RAB11FIP4: variants seen among roughly 807,000 people sequenced by gnomAD.
The protein encoded by RAB11FIP4 is rab11 family-interacting protein 4.
In RAB11FIP4, 23 loss-of-function variants were observed where a neutral mutation model predicts 74.3. The ratio of observed to expected loss-of-function variants is 0.31; its 90% CI spans 0.22 to 0.44. The LOEUF (loss-of-function observed/expected upper bound fraction) is 0.44, where lower values mean the gene tolerates loss of function less well. RAB11FIP4 is among the 20% of genes least tolerant of loss of function. The pLI, the probability that RAB11FIP4 is intolerant of heterozygous loss-of-function variation, is 1.00. For missense variants in RAB11FIP4, 630 were observed against 863.9 expected, an observed-to-expected ratio of 0.73 and a Z score of 3.39; for synonymous variants, 360 against 359.9, an observed-to-expected ratio of 1.00 and a Z score of 0.00.
rs367907100 is a variant in RAB11FIP4, at chr17:31,523,599, C to T, written c.1017C>T (p.Asp339=). The T allele has an allele frequency of 1.7e-5, 28 of 1,613,880 alleles. No individual in the cohort carries two copies. The highest frequency in any genetic ancestry group is 5.0e-5 in the Admixed American group (3 of 60,032). The change falls in exon 8 of 15, where the codon GAC becomes GAT. Residue 339 remains aspartate, a synonymous_variant. Transcript: ENST00000621161. ...FRDSIDSCDN[D]ITEKVSFLEK... is the part of the protein sequence containing the mutation. ...ACAGCATTGACTCTTGCGACAATGA[C>T]ATCACAGAGAAGGTGGGCCTTGGGT...
At chr17:31,473,077 G>A (rs950700445) in intron 3 of RAB11FIP4, among the ~76,000 whole-genome samples, 3 of 152,052 alleles carry the variant, frequency 2.0e-5, no homozygotes, top group Non-Finnish European at 2.9e-5. Flanking sequence ...AGGCACGTGA[G>A]GTGGGGGAGT....
intron 3 of RAB11FIP4, among the ~76,000 whole-genome samples, chr17:31,450,295 C>G (rs1171101484): frequency 6.6e-6 from 1 of 150,736 alleles, no homozygotes; most frequent in Non-Finnish European, 1.5e-5. Context: ...GCTTTTCTCC[C>G]CGCACACCAC....
At chr17:31,528,136 G>C (rs941162709) in intron 11 of RAB11FIP4, among the ~76,000 whole-genome samples, 1 of 152,204 alleles carries the variant, frequency 6.6e-6, no homozygotes, top group Non-Finnish European at 1.5e-5. Flanking sequence ...TTAGAAAGAG[G>C]TTAGCTTCTA....
At chr17:31,488,114 G>A (rs2071932783) in intron 3 of RAB11FIP4, 4 of 1,025,652 alleles carry the variant, frequency 3.9e-6, no homozygotes, top group Non-Finnish European at 4.7e-6. Context: ...TTCCACTGGT[G>A]CCCAGAAGTG....
intron 3 of RAB11FIP4, among the ~76,000 whole-genome samples, chr17:31,494,573 A>G (rs1005664340): frequency 1.3e-5 from 2 of 152,166 alleles, no homozygotes; most frequent in Non-Finnish European, 2.9e-5. Flanking sequence ...GGCCTTTGCA[A>G]GAGAAGCAAA....
intron 3 of RAB11FIP4, among the ~76,000 whole-genome samples, chr17:31,455,279 T>A (rs1271541394): frequency 6.6e-6 from 1 of 152,016 alleles, no homozygotes; most frequent in Admixed American, 6.6e-5. Flanking sequence ...TCTGGGAAGG[T>A]AGCTAGGAAA....
chr17:31,473,516 G>C (rs1244409565), intron 3 of RAB11FIP4, among the ~76,000 whole-genome samples: 1 of 152,214 alleles, frequency 6.6e-6, no homozygotes, highest in Non-Finnish European at 1.5e-5. Context: ...GCTTCAGCCT[G>C]GGCGACAGAG....
At position 31,407,040 on chromosome 17, in the gene RAB11FIP4, A is replaced by ATTTT. The variant is rs59919036; in HGVS notation, c.159+15055_159+15058dup. 4.2e-3 allele frequency among the ~76,000 whole-genome samples: 214 copies of ATTTT among 51,208 alleles called. 27 individuals are homozygous for ATTTT. Among genetic ancestry groups the ATTTT allele is most frequent in the African/African-American group, 0.011 (138 of 12,926 alleles). The allele number at this position is 51,208 out of a possible 152,430, so 33.6% of individuals were successfully genotyped here. On this transcript the variant is annotated intron_variant, in intron 1 of 14. Transcript: ENST00000621161. The stretch of plus-strand genomic sequence containing the variant: ...CACATTTGTTTTTTTGTTTCACTTG[A>ATTTT]TTTTTTTTTTTTTTTTTTTTTTTTT...
At position 31,528,496 on chromosome 17, in the gene RAB11FIP4, C is replaced by T. The variant is rs1273644271; in HGVS notation, c.1447C>T (p.Arg483Ter). The change falls in exon 12 of 15, where the codon CGA becomes TGA. Residue 483 changes from arginine to a stop codon, truncating the protein, a stop_gained. Transcript: ENST00000621161. LOFTEE classifies it high-confidence loss of function. Reference sequence around the variant, plus strand: ...GTACAAGCGCATGATGGACAAGCTGCGACAGAACCGCCTTGAGTTCCAGAA... The same window carrying T: ...GTACAAGCGCATGATGGACAAGCTGTGACAGAACCGCCTTGAGTTCCAGAA... Reference protein sequence around the residue: ...DLYKRMMDKLRQNRLEFQKER... With the variant: ...DLYKRMMDKL 2.5e-6 allele frequency: 4 copies of T among 1,613,730 alleles called. No homozygotes were observed. Among genetic ancestry groups the T allele is most frequent in the Non-Finnish European group, 1.7e-6 (2 of 1,180,044 alleles).
intron 3 of RAB11FIP4, among the ~76,000 whole-genome samples, chr17:31,468,845 C>T (rs898681691): frequency 6.6e-6 from 1 of 151,284 alleles, no homozygotes; most frequent in Non-Finnish European, 1.5e-5. Flanking sequence ...AAAAAGGAAT[C>T]TCAACATCTT....
chr17:31,399,570 G>A (rs1315413081), intron 1 of RAB11FIP4, among the ~76,000 whole-genome samples: 4 of 151,784 alleles, frequency 2.6e-5, no homozygotes, highest in East Asian at 1.9e-4. Flanking sequence ...AAAATTAGCC[G>A]GGCGTGGTGG....
chr17:31,510,328 C>A (rs577130495), intron 3 of RAB11FIP4, among the ~76,000 whole-genome samples: 3 of 152,354 alleles, frequency 2.0e-5, no homozygotes. Flanking sequence ...CGCTGGACTC[C>A]CCTACACTAG....
At chr17:31,479,732 G>C (rs992389632) in intron 3 of RAB11FIP4, among the ~76,000 whole-genome samples, 9 of 152,196 alleles carry the variant, frequency 5.9e-5, no homozygotes, top group African/African-American at 1.9e-4. Context: ...CTGGTGGACA[G>C]AGGAGGCCAA....
rs562855460 is a variant in RAB11FIP4, at chr17:31,490,110, C to T, written c.337-27541C>T. ...TGGGGTTCCAGGGGCAGCCTGCACTCGGAAGGCTCTGGGCTGCAGCTTGAG... is the reference window on the plus strand; with the variant it reads ...TGGGGTTCCAGGGGCAGCCTGCACTTGGAAGGCTCTGGGCTGCAGCTTGAG... On this transcript the variant is annotated intron_variant, in intron 3 of 14. Coordinates refer to ENST00000621161, the MANE Select transcript of RAB11FIP4 (RefSeq NM_032932.6). 7.9e-5 allele frequency among the ~76,000 whole-genome samples: 12 copies of T among 152,212 alleles called. No homozygotes were observed. The South Asian group carries it at 2.5e-3, about 32-fold the overall frequency.
chr17:31,432,258 C>A (rs2071317554), intron 2 of RAB11FIP4, among the ~76,000 whole-genome samples: 1 of 151,944 alleles, frequency 6.6e-6, no homozygotes, highest in South Asian at 2.1e-4. Flanking sequence ...CTTTTAAGAC[C>A]AGGGCAGTCC....
chr17:31,461,995 C>T (rs1336380500), intron 3 of RAB11FIP4, among the ~76,000 whole-genome samples: 2 of 152,126 alleles, frequency 1.3e-5, no homozygotes. Context: ...GGTGCGGTGG[C>T]TCATGCCTGT....
chr17:31,516,021 T>C (rs1167779844), intron 3 of RAB11FIP4, among the ~76,000 whole-genome samples: 1 of 152,194 alleles, frequency 6.6e-6, no homozygotes, highest in East Asian at 1.9e-4. Context: ...GGCAGTTGCC[T>C]CCTGGGCTGG....
rs1424422055 is a variant in RAB11FIP4 at position 31,512,001 on chromosome 17, C to G, written c.337-5650C>G. ...AGGTAGGGGTGCAGGGGATGCAGAC[C>G]TGCCCTGCCAGAGTGGCTGGCTGGA... is the stretch of plus-strand genomic sequence containing the variant. On this transcript the variant is annotated intron_variant, in intron 3 of 14. Coordinates refer to ENST00000621161, the MANE Select transcript of RAB11FIP4 (RefSeq NM_032932.6). This position sits in a 1 kb window ranked among gnomAD's most constrained non-coding sequence, Gnocchi z 4.1. Among the ~76,000 whole-genome samples, 1 of 152,186 alleles carries G rather than the reference C, an allele frequency of 6.6e-6. No individual in the cohort carries two copies. The highest frequency in any genetic ancestry group is 1.5e-5 in the Non-Finnish European group (1 of 68,032).
intron 3 of RAB11FIP4, among the ~76,000 whole-genome samples, chr17:31,505,439 T>TATA (rs10628693): frequency 0.62 from 54,946 of 89,280 alleles, 17,493 homozygotes; most frequent in East Asian, 0.67. Context: ...ATAATTATTA[T>TATA]ATAATATATA....
Sources: allele counts gnomAD v4.1 joint callset (sites outside exome capture counted in the v4.1 genomes callset), GRCh38; gene constraint gnomAD v4.1.1; non-coding constraint Gnocchi (gnomAD v3.1); transcripts MANE v1.5; gene names NCBI Gene and HGNC (gene_info 2026-07-23, HGNC 2026-07-21).